Variants in RNF14 observed in about 807,000 individuals in gnomAD.
RNF14 encodes ring finger protein 14, also known as E3 ubiquitin-protein ligase RNF14.
In RNF14, 26 loss-of-function variants were observed where a neutral mutation model predicts 52.6. That is an observed-to-expected ratio of 0.49 (90% CI 0.36 to 0.69). RNF14 has a LOEUF of 0.69. RNF14 is among the 30% of genes least tolerant of loss of function. RNF14 has a pLI of 0.00. For missense variants in RNF14, 404 were observed against 560.4 expected (o/e 0.72, Z 2.82); for synonymous variants, 194 against 202.0 (o/e 0.96, Z 0.34).
At chr5:141,951,642 T>A in the RNF14 span, 5 of 1,293,314 alleles carry the variant, frequency 3.9e-6, no homozygotes, top group Non-Finnish European at 5.6e-6. Context: ...CTCAGCACAC[T>A]TCCTCGCCGG....
chr5:141,964,874 GC>G (rs1351458890), upstream of RNF14, among the ~76,000 whole-genome samples: 1 of 150,314 alleles, frequency 6.7e-6, no homozygotes, highest in Non-Finnish European at 1.5e-5. Context: ...TGGTCCACCT[GC>G]CTCGGCCTCC....
chr5:141,980,399 A>C (rs745772334), intron 6 of RNF14, 48 bp downstream of exon 6: 1 of 1,367,234 alleles, frequency 7.3e-7, no homozygotes, highest in Admixed American at 1.7e-5. Flanking sequence ...TCTCTCCCTC[A>C]CATTTCACTC....
upstream of RNF14, chr5:141,954,939 G>T: frequency 1.9e-6 from 3 of 1,585,462 alleles, no homozygotes; most frequent in South Asian, 3.5e-5. Context: ...GTCCAGGAGT[G>T]ACCAGAGAAA....
At chr5:141,956,402 C>T (rs1255206551), upstream of RNF14, 2 of 1,614,092 alleles carry the variant, frequency 1.2e-6, no homozygotes, top group Non-Finnish European at 1.7e-6. Flanking sequence ...GCATCATGAG[C>T]CTTGATGGTA....
intron 7 of RNF14, among the ~76,000 whole-genome samples, chr5:141,984,502 C>T (rs72796064): frequency 0.053 from 8,094 of 152,260 alleles, 265 homozygotes; most frequent in Non-Finnish European, 0.079. Context: ...ACGTTACATC[C>T]AAACATTTTA....
At chr5:141,960,741 G>GC (rs1175173642) in intron 1 of RNF14, among the ~76,000 whole-genome samples, 1 of 152,208 alleles carries the variant, frequency 6.6e-6, no homozygotes, top group African/African-American at 2.4e-5. Context: ...TGAGCACACA[G>GC]CGTTAGGTAA....
At chr5:141,966,955 G>A (rs1753364024), upstream of RNF14, 1 of 152,336 alleles carries the variant, frequency 6.6e-6, no homozygotes, top group African/African-American at 2.4e-5. Flanking sequence ...GGCTAAACAT[G>A]AATAATTATA....
At chr5:141,969,356 C>T (rs1416266204) in intron 1 of RNF14, 189 bp downstream of exon 1, 1 of 152,648 alleles carries the variant, frequency 6.6e-6, no homozygotes, top group Non-Finnish European at 1.5e-5. Flanking sequence ...GGCCGGGACT[C>T]CCTTCGGGAC....
At chr5:141,979,226 G>T (rs78904720) in intron 5 of RNF14, among the ~76,000 whole-genome samples, 93,251 of 132,196 alleles carry the variant, frequency 0.71, 29,128 homozygotes, top group East Asian at 0.93. Context: ...CTACTTAGGT[G>T]GTGGTGGTGT....
intron 4 of RNF14, among the ~76,000 whole-genome samples, chr5:141,975,768 T>A (rs1754186896): frequency 6.6e-6 from 1 of 151,774 alleles, no homozygotes; most frequent in Admixed American, 6.6e-5. Context: ...CTACAAAAAA[T>A]ACAAAAATTA....
intron 6 of RNF14, among the ~76,000 whole-genome samples, 177 bp downstream of exon 6, chr5:141,980,528 G>T (rs1754674966): frequency 1.3e-5 from 2 of 152,198 alleles, no homozygotes. Context: ...GAGACAAAAT[G>T]TCTGCCCTCA....
chr5:141,950,921 T>C, the RNF14 span, among the ~76,000 whole-genome samples: 1 of 152,224 alleles, frequency 6.6e-6, no homozygotes, highest in Non-Finnish European at 1.5e-5. Context: ...GGATGGGTTC[T>C]GTTTTACAGA....
upstream of RNF14, among the ~76,000 whole-genome samples, chr5:141,962,848 AG>A (rs979098929): frequency 8.1e-4 from 124 of 152,284 alleles, 1 homozygote; most frequent in African/African-American, 2.8e-3. Context: ...AACCTTCGAG[AG>A]GAAGGGCACT....
chr5:141,969,429 C>G (rs1032474710), intron 1 of RNF14: 1 of 152,350 alleles, frequency 6.6e-6, no homozygotes, highest in African/African-American at 2.4e-5. Flanking sequence ...TGGCCAGCAG[C>G]TCACACATCC....
At chr5:141,957,021 C>T (rs548368477), upstream of RNF14, 28 of 1,614,190 alleles carry the variant, frequency 1.7e-5, no homozygotes, top group East Asian at 6.2e-4. The surrounding 1 kb of genome is among the most constrained non-coding windows in gnomAD (Gnocchi z 4.3). Context: ...ACTCCACCTC[C>T]CCATTGGGGC....
At chr5:141,969,196 G>A (rs1476749852) in intron 1 of RNF14, 29 bp downstream of exon 1, 1 of 153,672 alleles carries the variant, frequency 6.5e-6, no homozygotes, top group Non-Finnish European at 1.4e-5. Flanking sequence ...AGGGCGGAGG[G>A]CGGAACTTTG....
Position 141,978,730 on chromosome 5 carries a change from C to T in RNF14, c.734C>T (p.Ala245Val). ...GAGTGCAGGCATGTGTACTGCAAAG[C>T]CTGTCTGAAGGACTACTTTGAAATC... Reference protein sequence around the residue: ...FLECRHVYCKACLKDYFEIQI... With the variant: ...FLECRHVYCKVCLKDYFEIQI... The change falls in exon 5 of 9, where the codon GCC (alanine) becomes GTC (valine). Residue 245 changes from alanine (A) to valine (V), a missense_variant. Transcript: ENST00000394520. The T allele has an allele frequency of 6.2e-7, 1 of 1,613,970 alleles. No homozygotes were observed. Among genetic ancestry groups the T allele is most frequent in the Non-Finnish European group, 8.5e-7 (1 of 1,179,864 alleles).
Position 141,983,699 on chromosome 5 carries a change from A to G in RNF14, c.1236+147A>G, listed in dbSNP as rs1754984776. 5.9e-6 allele frequency: 4 copies of G among 681,104 alleles called. 1 individual carries two copies. In the South Asian group the frequency reaches 9.1e-5, roughly 16 times the overall value. 42.2% of individuals were successfully genotyped at this position (681,104 alleles called of 1,614,324 possible). A position where few individuals can be genotyped will look rare whatever the true frequency, so the allele number is the denominator to read the frequency against. ...TTACGTGGAAGGTGGAAATTTCACT[A>G]TTAGATCTTGTTATCGACCTTAAAT... On this transcript the variant is annotated intron_variant, in intron 7 of 8. Transcript: ENST00000394520.
chr5:141,969,464 T>A (rs981078453), intron 1 of RNF14: 3 of 152,328 alleles, frequency 2.0e-5, no homozygotes, highest in Admixed American at 6.5e-5. Flanking sequence ...GATCCCAGCG[T>A]TGGGGCGGAT....
Sources: gnomAD v4.1 joint callset for allele counts (sites outside exome capture counted in the v4.1 genomes callset) on GRCh38, gnomAD v4.1.1 for gene constraint, Gnocchi (gnomAD v3.1) non-coding constraint, MANE v1.5 for transcripts, NCBI Gene and HGNC (gene_info 2026-07-23, HGNC 2026-07-21) for gene names.